The following FAM13B variants were observed in gnomAD, a reference collection of about 807,000 sequenced individuals.
FAM13B encodes the protein family with sequence similarity 13 member B.
In FAM13B, 60 loss-of-function variants were observed where a neutral mutation model predicts 117.3. The ratio of observed to expected loss-of-function variants is 0.51; its 90% CI spans 0.42 to 0.63. The LOEUF (loss-of-function observed/expected upper bound fraction) is 0.63. Ranked by LOEUF, FAM13B falls within the 30% of genes least tolerant of loss-of-function variation. FAM13B has a pLI of 0.00. For missense variants in FAM13B, 972 were observed against 1,091.9 expected (o/e 0.89, Z 1.55); for synonymous variants, 332 against 356.1 (o/e 0.93, Z 0.76).
rs1581075251 is a variant in FAM13B, at chr5:137,953,855, T to A, written c.1718+311A>T. Among the ~76,000 whole-genome samples, 3 of 152,302 alleles carry A rather than the reference T, an allele frequency of 2.0e-5. No homozygotes were observed. The East Asian group carries it at 5.8e-4, about 29-fold the overall frequency. On this transcript the variant is annotated intron_variant, in intron 15 of 23. Coordinates refer to ENST00000689681, the MANE Select transcript of FAM13B (RefSeq NM_001385994.1). The stretch of plus-strand genomic sequence containing the variant: ...GCTGCTTCCTTTACAGAGCTCTGTA[T>A]TTCAGCGATGAATACATAAATAAAT...
chr5:138,032,731 C>A (rs1581316787), intron 1 of FAM13B, 51 bp downstream of exon 1: 2 of 985,748 alleles, frequency 2.0e-6, no homozygotes, highest in Non-Finnish European at 2.4e-6. Context: ...AGGGCCGCGG[C>A]GACCTGCAAC....
chr5:137,983,934 T>C (rs767319520), intron 10 of FAM13B, among the ~76,000 whole-genome samples: 3 of 152,318 alleles, frequency 2.0e-5, no homozygotes, highest in South Asian at 2.1e-4. Context: ...TGGTTTAGAA[T>C]GAAAATATAC....
intron 7 of FAM13B, among the ~76,000 whole-genome samples, chr5:137,996,551 A>G (rs1779910665): frequency 6.6e-6 from 1 of 152,136 alleles, no homozygotes; most frequent in South Asian, 2.1e-4. Flanking sequence ...CACAAGAATG[A>G]AGCCCTAACA....
At chr5:137,980,055 C>T (rs990945337) in intron 10 of FAM13B, among the ~76,000 whole-genome samples, 1 of 150,914 alleles carries the variant, frequency 6.6e-6, no homozygotes, top group Non-Finnish European at 1.5e-5. Context: ...TGCCTGTAAT[C>T]CCAGGTACAC....
At chr5:138,050,346 A>G (rs1179648993) in intron 1 of FAM13B, among the ~76,000 whole-genome samples, 3 of 152,200 alleles carry the variant, frequency 2.0e-5, no homozygotes, top group Non-Finnish European at 4.4e-5. Context: ...CTGAGGCAAG[A>G]GAATCCCTTG....
chr5:137,985,325 C>T lies in FAM13B; in HGVS notation c.1111G>A (p.Ala371Thr), dbSNP rs1776910548. The change falls in exon 10 of 24, where the codon GCT becomes ACT. Residue 371 changes from alanine to threonine, a missense_variant. Transcript: ENST00000689681. ...GCTTCATTGTCTAAATTAGTGCTAG[C>T]CACAGGTTTTGAACAGTCTCTGTTA... ...ESNRDCSKPV[A>T]STNLDNEAMQ... is the part of the protein sequence containing the mutation. 1 of 1,613,794 alleles carries T rather than the reference C, an allele frequency of 6.2e-7. No homozygotes were observed. The highest frequency in any genetic ancestry group is 1.7e-5 in the Admixed American group (1 of 60,020).
intron 10 of FAM13B, among the ~76,000 whole-genome samples, chr5:137,974,041 G>C (rs1773146082): frequency 6.9e-6 from 1 of 144,900 alleles, no homozygotes; most frequent in Non-Finnish European, 1.5e-5. Flanking sequence ...GTGGAAGTCA[G>C]TGTGGCGATT....
intron 18 of FAM13B, among the ~76,000 whole-genome samples, chr5:137,948,171 A>G (rs1763948729): frequency 1.2e-5 from 1 of 85,576 alleles, no homozygotes. Flanking sequence ...GGGAAGAATA[A>G]TGGCTCTTCA....
Position 137,988,308 on chromosome 5 carries a change from T to C in FAM13B, c.856A>G (p.Ile286Val), listed in dbSNP as rs149905723. The C allele has an allele frequency of 5.3e-5, 83 of 1,560,928 alleles. No individual in the cohort carries two copies. In the African/African-American group the frequency reaches 7.1e-4, roughly 13 times the overall value. The part of the protein sequence containing the change: ...SNSVTATSTH[I>V]SPISILPAST... ...GCTGGTAGGATGCTGATGGGAGATATATGGGTGCTGCAATCAAAGAAAGAA... is the reference window on the plus strand; with the variant it reads ...GCTGGTAGGATGCTGATGGGAGATACATGGGTGCTGCAATCAAAGAAAGAA... Residue 286 changes from isoleucine to valine, a missense_variant, in exon 8 of 24, where the codon ATA (isoleucine) becomes GTA (valine). Coordinates refer to ENST00000689681, the MANE Select transcript of FAM13B (RefSeq NM_001385994.1).
At chr5:138,042,150 A>T (rs1315587613) in intron 1 of FAM13B, among the ~76,000 whole-genome samples, 2 of 152,246 alleles carry the variant, frequency 1.3e-5, no homozygotes, top group Non-Finnish European at 2.9e-5. Flanking sequence ...TTAATACAGT[A>T]TGGTATCTTC....
upstream of FAM13B, chr5:138,036,758 G>T (rs553098987): frequency 5.9e-4 from 212 of 362,194 alleles, 2 homozygotes; most frequent in South Asian, 4.4e-3. Context: ...GAAGAAGATG[G>T]TTTCTTTTAT....
intron 9 of FAM13B, among the ~76,000 whole-genome samples, chr5:137,986,436 A>AC (rs1491248457): frequency 3.6e-5 from 2 of 56,316 alleles, no homozygotes; most frequent in Admixed American, 2.0e-4. Flanking sequence ...TCCCCCCCCC[A>AC]AAAAAAATTG....
intron 1 of FAM13B, among the ~76,000 whole-genome samples, chr5:138,031,644 C>T (rs1790049296): frequency 6.6e-6 from 1 of 151,688 alleles, no homozygotes; most frequent in Admixed American, 6.6e-5. Context: ...GAGATCGCTC[C>T]ACTGCACTCC....
chr5:138,013,445 G>A (rs1163201374), intron 4 of FAM13B, among the ~76,000 whole-genome samples: 1 of 146,054 alleles, frequency 6.8e-6, no homozygotes, highest in Non-Finnish European at 1.5e-5. Context: ...AGCTTGCAGT[G>A]AGCCGAGATT....
Position 137,943,204 on chromosome 5 carries a change from T to G in FAM13B, c.2353A>C (p.Thr785Pro), listed in dbSNP as rs1282985348. ...TGTAACATCTGACCCCTTCGCTTGG[T>G]GGATGGAGATCCCTATAACAATCAA... ...SITPVLGSPS[T>P]KRRGQMLQPI... Residue 785 changes from threonine to proline, a missense_variant, in exon 21 of 24, where the codon ACC (threonine) becomes CCC (proline). Coordinates refer to ENST00000689681, the MANE Select transcript of FAM13B (RefSeq NM_001385994.1). 1.2e-6 allele frequency: 2 copies of G among 1,613,488 alleles called. No individual in the cohort carries two copies. Among genetic ancestry groups the G allele is most frequent in the Non-Finnish European group, 1.7e-6 (2 of 1,179,538 alleles).
intron 10 of FAM13B, among the ~76,000 whole-genome samples, chr5:137,968,659 G>A (rs919380373): frequency 1.4e-4 from 22 of 152,242 alleles, no homozygotes; most frequent in African/African-American, 5.1e-4. Flanking sequence ...CGTGAGCGAC[G>A]CAAAAGACGG....
At chr5:138,045,513 A>C (rs1791615443) in intron 1 of FAM13B, among the ~76,000 whole-genome samples, 1 of 152,176 alleles carries the variant, frequency 6.6e-6, no homozygotes, top group Admixed American at 6.5e-5. Context: ...AGCCTGGGCA[A>C]CAGAGCCAGA....
At chr5:137,951,257 A>T (rs1173668647) in intron 17 of FAM13B, among the ~76,000 whole-genome samples, 1 of 149,782 alleles carries the variant, frequency 6.7e-6, no homozygotes, top group South Asian at 2.1e-4. Flanking sequence ...GGCAAACATT[A>T]TCTTAACCAC....
upstream of FAM13B, chr5:138,036,244 A>T: frequency 2.8e-6 from 1 of 361,574 alleles, no homozygotes; most frequent in South Asian, 2.0e-5. Flanking sequence ...ACTGCTTCCC[A>T]ATAGATGGAA....
Sources: gnomAD v4.1 joint callset for allele counts (sites outside exome capture counted in the v4.1 genomes callset) on GRCh38, gnomAD v4.1.1 for gene constraint, MANE v1.5 for transcripts, NCBI Gene and HGNC (gene_info 2026-07-23, HGNC 2026-07-21) for gene names.